Variants in KLF15 observed in about 807,000 individuals in gnomAD.
KLF15 encodes the protein KLF transcription factor 15.
A neutral mutation model predicts 24.6 loss-of-function variants in KLF15; 4 were observed. That is an observed-to-expected ratio of 0.16 (90% CI 0.08 to 0.37). KLF15 has a LOEUF of 0.37. Ranked by LOEUF, KLF15 falls within the 10% of genes least tolerant of loss-of-function variation. The probability of loss-of-function intolerance (pLI) is 1.00; values close to 1 mark genes in which losing one functional copy is unlikely to be tolerated. For missense variants in KLF15, 496 were observed against 560.6 expected, an observed-to-expected ratio of 0.88 and a Z score of 1.16; for synonymous variants, 246 against 236.3, an observed-to-expected ratio of 1.04 and a Z score of -0.37.
At chr3:126,328,672 A>C in the KLF15 span, among the ~76,000 whole-genome samples, 1 of 152,204 alleles carries the variant, frequency 6.6e-6, no homozygotes, top group Non-Finnish European at 1.5e-5. Flanking sequence ...TCCAAAAAAA[A>C]ATTGTACTAC....
Position 126,356,120 on chromosome 3 carries a change from G to A in KLF15, c.-26+1117C>T, listed in dbSNP as rs1384352270. Among the ~76,000 whole-genome samples, 1 of 152,172 alleles carries A rather than the reference G, an allele frequency of 6.6e-6. No homozygotes were observed. Among genetic ancestry groups the A allele is most frequent in the Non-Finnish European group, 1.5e-5 (1 of 68,022 alleles). On this transcript the variant is annotated intron_variant, in intron 1 of 2. Coordinates refer to ENST00000296233, the MANE Select transcript of KLF15 (RefSeq NM_014079.4). The surrounding 1 kb of genome is among the most constrained non-coding windows in gnomAD (Gnocchi z 4.4). Reference sequence around the variant, plus strand: ...TGTAATTGATAACAAGCCCAGCGCCGGCCAAGGGCTTGCCATTGGGTCAGC... The same window carrying A: ...TGTAATTGATAACAAGCCCAGCGCCAGCCAAGGGCTTGCCATTGGGTCAGC...
At chr3:126,303,725 T>C in the KLF15 span, among the ~76,000 whole-genome samples, 1 of 151,906 alleles carries the variant, frequency 6.6e-6, no homozygotes, top group South Asian at 2.1e-4. Flanking sequence ...TATATCTTTT[T>C]TTTTAACTAA....
the KLF15 span, among the ~76,000 whole-genome samples, chr3:126,300,174 C>T: frequency 0.025 from 3,761 of 152,154 alleles, 113 homozygotes; most frequent in African/African-American, 0.075. Flanking sequence ...CCCACCCTGG[C>T]CAGGGGACAT....
chr3:126,306,093 G>A, the KLF15 span, among the ~76,000 whole-genome samples: 1 of 152,170 alleles, frequency 6.6e-6, no homozygotes, highest in African/African-American at 2.4e-5. Context: ...TCCCCATGGG[G>A]TCTCAGATGC....
chr3:126,324,806 CTT>C, the KLF15 span, among the ~76,000 whole-genome samples: 1,450 of 59,508 alleles, frequency 0.024, 17 homozygotes, highest in African/African-American at 0.041. Flanking sequence ...TTTTTTCGCT[CTT>C]TTTTTTTTTT....
the KLF15 span, chr3:126,293,773 T>A: frequency 6.6e-6 from 1 of 152,288 alleles, no homozygotes; most frequent in Non-Finnish European, 1.5e-5. Context: ...TGCCTGTTTC[T>A]ATTCATGAAC....
the KLF15 span, among the ~76,000 whole-genome samples, chr3:126,309,044 A>C: frequency 6.6e-6 from 1 of 152,234 alleles, no homozygotes. Context: ...AGATGTGTGG[A>C]GAGCAGGCAT....
chr3:126,301,629 T>C, the KLF15 span, among the ~76,000 whole-genome samples: 1 of 145,236 alleles, frequency 6.9e-6, no homozygotes, highest in Non-Finnish European at 1.5e-5. Context: ...TTTTTTTTTT[T>C]CTGAGACAGA....
the KLF15 span, among the ~76,000 whole-genome samples, chr3:126,309,219 G>A: frequency 6.6e-6 from 1 of 152,250 alleles, no homozygotes; most frequent in South Asian, 2.1e-4. Flanking sequence ...AATGGGGTTA[G>A]CTGAGTAACT....
rs2082502436 is a variant in KLF15, at chr3:126,343,655, A to C, written c.*72T>G. 1 of 1,475,712 alleles carries C rather than the reference A, an allele frequency of 6.8e-7. No homozygotes were observed. The highest frequency in any genetic ancestry group is 9.2e-7 in the Non-Finnish European group (1 of 1,082,100). 91.4% of individuals were successfully genotyped at this position (1,475,712 alleles called of 1,614,324 possible). ...CCATGTCCCTCTGGAGGAGGCAAAT[A>C]AATTATTGCTTAAAAAAATGGGGAT... On this transcript the variant is annotated 3_prime_UTR_variant, in exon 3 of 3. Transcript: ENST00000296233.
rs2107558181 is a variant in KLF15 at position 126,352,890 on chromosome 3, G to C, written c.33C>G (p.Asn11Lys). The change falls in exon 2 of 3, where the codon AAC (asparagine) becomes AAG (lysine). Residue 11 changes from asparagine to lysine, a missense_variant. Asn to Lys is a moderately conservative substitution (Grantham distance 94). Transcript: ENST00000296233. The stretch of plus-strand genomic sequence containing the variant: ...CAACTGGGCATTTTGGCGACGAGAA[G>C]TTCTCGTCCACTGGAAGTAAGTGGT... MVDHLLPVDENFSSPKCPVGY... is the reference protein window; with the variant it reads MVDHLLPVDEKFSSPKCPVGY... The C allele has an allele frequency of 6.2e-7, 1 of 1,610,786 alleles. No homozygotes were observed. The highest frequency in any genetic ancestry group is 8.5e-7 in the Non-Finnish European group (1 of 1,178,638).
rs1455640926 is a variant in KLF15, at chr3:126,356,957, C to A, written c.-26+280G>T. 6.6e-6 allele frequency among the ~76,000 whole-genome samples: 1 copy of A among 151,880 alleles called. No homozygotes were observed. The highest frequency in any genetic ancestry group is 1.5e-5 in the Non-Finnish European group (1 of 67,936). ...CATATGGGAGGGCCGGCCCGCAAGG[C>A]GCGCCACGGAATCGCCCGGCCAGGC... On this transcript the variant is annotated intron_variant, in intron 1 of 2. Coordinates refer to ENST00000296233, the MANE Select transcript of KLF15 (RefSeq NM_014079.4). The surrounding 1 kb of genome is among the most constrained non-coding windows in gnomAD (Gnocchi z 4.4).
At chr3:126,335,361 C>A in the KLF15 span, among the ~76,000 whole-genome samples, 1 of 134,994 alleles carries the variant, frequency 7.4e-6, no homozygotes, top group Non-Finnish European at 1.6e-5. Context: ...AAGCCTTTGA[C>A]AAAATTCAAC....
chr3:126,342,602 A>G (rs536555596), downstream of KLF15: 1 of 152,610 alleles, frequency 6.6e-6, no homozygotes, highest in Non-Finnish European at 1.5e-5. Context: ...ACATCCCGGC[A>G]AAGCAGGAAA....
intron 1 of KLF15, among the ~76,000 whole-genome samples, chr3:126,354,684 C>T (rs767094151): frequency 6.6e-6 from 1 of 152,320 alleles, no homozygotes; most frequent in Admixed American, 6.5e-5. Context: ...TTTTAAAATG[C>T]ACCTATTCAC....
intron 2 of KLF15, among the ~76,000 whole-genome samples, chr3:126,346,971 G>A (rs1243816186): frequency 1.3e-5 from 2 of 152,176 alleles, no homozygotes. Context: ...AACCAGTAAC[G>A]GTTTAGAGCC....
chr3:126,290,451 A>G, the KLF15 span, among the ~76,000 whole-genome samples: 400 of 152,234 alleles, frequency 2.6e-3, 2 homozygotes, highest in African/African-American at 9.3e-3. Context: ...TTTCTGACCT[A>G]TACTACTGTT....
the KLF15 span, among the ~76,000 whole-genome samples, chr3:126,297,772 G>T: frequency 3.9e-5 from 6 of 152,048 alleles, no homozygotes; most frequent in Admixed American, 2.0e-4. Context: ...TTGCTGCAAA[G>T]GCCATTATTT....
chr3:126,292,665 G>A, the KLF15 span, among the ~76,000 whole-genome samples: 1 of 152,132 alleles, frequency 6.6e-6, no homozygotes, highest in Non-Finnish European at 1.5e-5. Flanking sequence ...TGAGAAGGGA[G>A]AGCGAGCGAG....
Sources: allele counts gnomAD v4.1 joint callset (sites outside exome capture counted in the v4.1 genomes callset), GRCh38; gene constraint gnomAD v4.1.1; non-coding constraint Gnocchi (gnomAD v3.1); transcripts MANE v1.5; gene names NCBI Gene and HGNC (gene_info 2026-07-23, HGNC 2026-07-21).